The following RNF187 variants were observed in gnomAD, a reference collection of about 807,000 sequenced individuals.
RNF187 encodes the protein E3 ubiquitin-protein ligase RNF187.
RNF187 carries 18 observed loss-of-function variants against 22.2 expected under a neutral mutation model. The observed-to-expected ratio is 0.81, with a 90% CI of 0.56 to 1.20. The LOEUF (loss-of-function observed/expected upper bound fraction) is 1.20. RNF187 is among the 50% of genes most tolerant of loss of function. The pLI is 0.00. For synonymous variants in RNF187, 164 were observed against 140.9 expected (o/e 1.16, Z -1.16); for missense variants, 329 against 317.6 (o/e 1.04, Z -0.27).
intron 2 of RNF187, among the ~76,000 whole-genome samples, chr1:228,490,147 G>T: frequency 1.3e-5 from 2 of 152,228 alleles, no homozygotes; most frequent in African/African-American, 4.8e-5. Context: ...AGGTGCAGCA[G>T]CTCTTGGGTA....
Position 228,495,517 on chromosome 1 carries a change from C to G in RNF187, c.*1632C>G. ...CCCGACCCTGAGACCTCCAGTTTGTCTTTCTCACTGTCTCCGCCTGCTGCA... is the reference window on the plus strand; with the variant it reads ...CCCGACCCTGAGACCTCCAGTTTGTGTTTCTCACTGTCTCCGCCTGCTGCA... On this transcript the variant is annotated 3_prime_UTR_variant, in exon 4 of 4. Coordinates refer to ENST00000305943, the MANE Select transcript of RNF187 (RefSeq NM_001010858.3). The G allele has an allele frequency of 4.1e-6, 4 of 985,522 alleles. No individual in the cohort carries two copies. Among genetic ancestry groups the G allele is most frequent in the Middle Eastern group, 5.2e-4 (1 of 1,914 alleles). 61.0% of individuals were successfully genotyped at this position (985,522 alleles called of 1,614,324 possible). A position where few individuals can be genotyped will look rare whatever the true frequency, so the allele number is the denominator to read the frequency against.
In RNF187 at chr1:228,495,863, C is replaced by A; in HGVS notation, c.*1978C>A. 2 of 634,070 alleles carry A rather than the reference C, an allele frequency of 3.2e-6. No homozygotes were observed. Among genetic ancestry groups the A allele is most frequent in the Admixed American group, 6.3e-5 (1 of 15,818 alleles). The allele number at this position is 634,070 out of a possible 1,614,324, so 39.3% of individuals were successfully genotyped here. A position where few individuals can be genotyped will look rare whatever the true frequency, so the allele number is the denominator to read the frequency against. On this transcript the variant is annotated 3_prime_UTR_variant, in exon 4 of 4. Transcript: ENST00000305943. Reference sequence around the variant, plus strand: ...GAGAATATTTGAAATCTACACTCAGCAATTTCAAATACAGTCATCCCTCTG... The same window carrying A: ...GAGAATATTTGAAATCTACACTCAGAAATTTCAAATACAGTCATCCCTCTG...
At position 228,495,677 on chromosome 1, in the gene RNF187, C is replaced by T; in HGVS notation, c.*1792C>T. 3.0e-6 allele frequency: 3 copies of T among 985,618 alleles called. No individual in the cohort carries two copies. Among genetic ancestry groups the T allele is most frequent in the Admixed American group, 6.1e-5 (1 of 16,284 alleles). 61.1% of individuals were successfully genotyped at this position (985,618 alleles called of 1,614,324 possible). Reference sequence around the variant, plus strand: ...CAGGTCCGACAGTGGCTTCACCATCCTCACCTAACCTAGCTGACCAGCAAC... The same window carrying T: ...CAGGTCCGACAGTGGCTTCACCATCTTCACCTAACCTAGCTGACCAGCAAC... On this transcript the variant is annotated 3_prime_UTR_variant, in exon 4 of 4. Coordinates refer to ENST00000305943, the MANE Select transcript of RNF187 (RefSeq NM_001010858.3).
At position 228,487,704 on chromosome 1, in the gene RNF187, T is replaced by C; in HGVS notation, c.216T>C (p.Leu72=). The C allele has an allele frequency of 9.5e-7, 1 of 1,057,160 alleles. No homozygotes were observed. 65.5% of individuals were successfully genotyped at this position (1,057,160 alleles called of 1,614,324 possible). Residue 72 remains leucine (L), a synonymous_variant, in exon 1 of 4, where the codon CTT becomes CTC. Coordinates refer to ENST00000305943, the MANE Select transcript of RNF187 (RefSeq NM_001010858.3). ...GCAGGCCCCCGCTCAGCCGCCGCCT[T>C]CTGGCGCTCGAGGAGGCGGCCGCGG...
Position 228,493,726 on chromosome 1 carries a change from C to G in RNF187, c.706-157C>G. ...GCTTTGGCCCTGGGGAGACGGAAGT[C>G]TGGGCCAGGCCCTGGGTTTGTTGTG... On this transcript the variant is annotated intron_variant, in intron 3 of 3. Coordinates refer to ENST00000305943, the MANE Select transcript of RNF187 (RefSeq NM_001010858.3). The surrounding 1 kb of genome is among the most constrained non-coding windows in gnomAD (Gnocchi z 4.7). 6.6e-6 allele frequency among the ~76,000 whole-genome samples: 1 copy of G among 152,248 alleles called. No homozygotes were observed. Among genetic ancestry groups the G allele is most frequent in the African/African-American group, 2.4e-5 (1 of 41,474 alleles).
intron 2 of RNF187, among the ~76,000 whole-genome samples, chr1:228,489,821 C>T: frequency 1.1e-3 from 162 of 152,278 alleles, no homozygotes; most frequent in African/African-American, 3.7e-3. Context: ...TCCACCCTCA[C>T]AACCTCATCA....
At chr1:228,490,431 C>T in intron 2 of RNF187, among the ~76,000 whole-genome samples, 5 of 152,218 alleles carry the variant, frequency 3.3e-5, no homozygotes, top group African/African-American at 1.2e-4. Flanking sequence ...TTGGGGACCT[C>T]CAAGTTTTCA....
Position 228,493,475 on chromosome 1 carries a change from C to T in RNF187, c.705+201C>T. Among the ~76,000 whole-genome samples the T allele has an allele frequency of 6.6e-6, 1 of 152,214 alleles. No homozygotes were observed. The highest frequency in any genetic ancestry group is 6.5e-5 in the Admixed American group (1 of 15,292). On this transcript the variant is annotated intron_variant, in intron 3 of 3. Transcript: ENST00000305943. The surrounding 1 kb of genome is among the most constrained non-coding windows in gnomAD (Gnocchi z 4.7). ...GAAGGGGTTTTAAGTTGAGGAGGGT[C>T]TGAGGTGTCCCTGACCTTCACAAAG...
intron 2 of RNF187, among the ~76,000 whole-genome samples, chr1:228,492,754 T>G: frequency 6.7e-6 from 1 of 149,710 alleles, no homozygotes. Context: ...AGCCTCCCGA[T>G]TAGCTGGGAT....
chr1:228,495,826 T>G lies in RNF187; in HGVS notation c.*1941T>G. ...CAGATTAATGTATCCATCTCATGTTTTTTTTGGTGGTGAGAATATTTGAAA... is the reference window on the plus strand; with the variant it reads ...CAGATTAATGTATCCATCTCATGTTGTTTTTGGTGGTGAGAATATTTGAAA... On this transcript the variant is annotated 3_prime_UTR_variant, in exon 4 of 4. Transcript: ENST00000305943. The G allele has an allele frequency of 4.6e-6, 4 of 864,476 alleles. No homozygotes were observed. The highest frequency in any genetic ancestry group is 5.6e-6 in the Non-Finnish European group (4 of 719,898). 53.6% of individuals were successfully genotyped at this position (864,476 alleles called of 1,614,324 possible). A position where few individuals can be genotyped will look rare whatever the true frequency, so the allele number is the denominator to read the frequency against.
chr1:228,490,685 G>A, intron 2 of RNF187, among the ~76,000 whole-genome samples: 9 of 152,324 alleles, frequency 5.9e-5, no homozygotes, highest in African/African-American at 1.9e-4. Flanking sequence ...GCCCTGTGTG[G>A]CCCAGGGCCA....
chr1:228,493,301 A>G lies in RNF187; in HGVS notation c.705+27A>G. 3.2e-6 allele frequency: 5 copies of G among 1,540,354 alleles called. No individual in the cohort carries two copies. The African/African-American group carries it at 5.5e-5, about 17-fold the overall frequency. On this transcript the variant is annotated intron_variant, in intron 3 of 3. Coordinates refer to ENST00000305943, the MANE Select transcript of RNF187 (RefSeq NM_001010858.3). This position sits in a 1 kb window ranked among gnomAD's most constrained non-coding sequence, Gnocchi z 4.7. Reference sequence around the variant, plus strand: ...TGCGGGAGCCCCGCTGGGTCTGCCCACCATCGGGCCAGGGTGGACGCAGGC... The same window carrying G: ...TGCGGGAGCCCCGCTGGGTCTGCCCGCCATCGGGCCAGGGTGGACGCAGGC...
chr1:228,487,961 G>A, intron 1 of RNF187, 83 bp downstream of exon 1: 27 of 891,576 alleles, frequency 3.0e-5, no homozygotes, highest in Middle Eastern at 5.1e-4. Flanking sequence ...TGAGCCCTGG[G>A]CCCTTCCCGT....
intron 2 of RNF187, among the ~76,000 whole-genome samples, chr1:228,489,594 TC>T: frequency 1.3e-5 from 2 of 152,092 alleles, no homozygotes; most frequent in African/African-American, 4.8e-5. Context: ...TTAGAACACA[TC>T]TGTAATTTTC....
In RNF187 at chr1:228,496,070, T is replaced by C; in HGVS notation, c.*2185T>C. ...TGCTGTGCAATAGACCTTGAGTTTA[T>C]TCTTGTATAGCAGGGACTCTGTACC... is the stretch of plus-strand genomic sequence containing the variant. On this transcript the variant is annotated 3_prime_UTR_variant, in exon 4 of 4. Coordinates refer to ENST00000305943, the MANE Select transcript of RNF187 (RefSeq NM_001010858.3). Among the ~76,000 whole-genome samples the C allele has an allele frequency of 6.6e-6, 1 of 152,186 alleles. No individual in the cohort carries two copies. The highest frequency in any genetic ancestry group is 1.5e-5 in the Non-Finnish European group (1 of 68,034).
chr1:228,492,994 C>A, intron 2 of RNF187, 59 bp from the exon 3 acceptor site: 1 of 1,474,690 alleles, frequency 6.8e-7, no homozygotes, highest in Non-Finnish European at 9.1e-7. Context: ...CAAACAGGTT[C>A]CCCTTCCCCT....
Position 228,494,015 on chromosome 1 carries a change from C to G in RNF187, c.*130C>G. 12 of 1,547,094 alleles carry G rather than the reference C, an allele frequency of 7.8e-6. No individual in the cohort carries two copies. The highest frequency in any genetic ancestry group is 1.2e-5 in the South Asian group (1 of 83,940). ...GGCCTTGGGTCCATCTACATAGTTG[C>G]GTGTTTCAACAATGTCCATTTATCC... is the stretch of plus-strand genomic sequence containing the variant. On this transcript the variant is annotated 3_prime_UTR_variant, in exon 4 of 4. Transcript: ENST00000305943.
In RNF187 at chr1:228,495,978, A is replaced by G; in HGVS notation, c.*2093A>G. On this transcript the variant is annotated 3_prime_UTR_variant, in exon 4 of 4. Coordinates refer to ENST00000305943, the MANE Select transcript of RNF187 (RefSeq NM_001010858.3). ...CCTGCAGTCAGCCCTCCCTCTGCACATATGTGGGACAGTCAGATACAGAGG... is the reference window on the plus strand; with the variant it reads ...CCTGCAGTCAGCCCTCCCTCTGCACGTATGTGGGACAGTCAGATACAGAGG... Among the ~76,000 whole-genome samples, 1 of 152,322 alleles carries G rather than the reference A, an allele frequency of 6.6e-6. No individual in the cohort carries two copies. The highest frequency in any genetic ancestry group is 1.9e-4 in the East Asian group (1 of 5,178).
At chr1:228,491,445 GA>G in intron 2 of RNF187, among the ~76,000 whole-genome samples, 1 of 149,678 alleles carries the variant, frequency 6.7e-6, no homozygotes, top group Admixed American at 6.7e-5. Context: ...AAAAACATAG[GA>G]TTTTTTTTTT....
Sources: gnomAD v4.1 joint callset for allele counts (sites outside exome capture counted in the v4.1 genomes callset) on GRCh38, gnomAD v4.1.1 for gene constraint, Gnocchi (gnomAD v3.1) non-coding constraint, MANE v1.5 for transcripts, NCBI Gene and HGNC (gene_info 2026-07-23, HGNC 2026-07-21) for gene names.